The following CLCN1 variants were observed in gnomAD, a reference collection of about 807,000 sequenced individuals.
CLCN1 encodes the protein chloride voltage-gated channel 1.
In CLCN1, 100 loss-of-function variants were observed where a neutral mutation model predicts 114.5. That is an observed-to-expected ratio of 0.87 (90% CI 0.74 to 1.03). The LOEUF is 1.03. Ranked by LOEUF, CLCN1 falls within the 50% of genes least tolerant of loss-of-function variation. The probability of loss-of-function intolerance (pLI) is 0.00; values close to 1 mark genes in which losing one functional copy is unlikely to be tolerated. For synonymous variants in CLCN1, 485 were observed against 487.1 expected, an observed-to-expected ratio of 1.00 and a Z score of 0.06; for missense variants, 1,188 against 1,250.0, an observed-to-expected ratio of 0.95 and a Z score of 0.75.
chr7:143,326,614 T>G, intron 7 of CLCN1, among the ~76,000 whole-genome samples: 1 of 151,742 alleles, frequency 6.6e-6, no homozygotes, highest in East Asian at 1.9e-4. Flanking sequence ...ACAAAAGAGG[T>G]GGTGTTTGAC....
At chr7:143,342,297 T>A (rs556429911) in intron 15 of CLCN1, 75 bp from the exon 16 acceptor site, 18 of 1,577,974 alleles carry the variant, frequency 1.1e-5, no homozygotes, top group Non-Finnish European at 1.4e-5. Context: ...ACTGAAAGTA[T>A]GGCAAATCTT....
Position 143,316,284 on chromosome 7 carries a change from T to G in CLCN1, c.72T>G (p.Tyr24Ter). 1 of 1,613,686 alleles carries G rather than the reference T, an allele frequency of 6.2e-7. No homozygotes were observed. Among genetic ancestry groups the G allele is most frequent in the Non-Finnish European group, 8.5e-7 (1 of 1,179,790 alleles). Residue 24 changes from tyrosine to a stop codon, truncating the protein, a stop_gained, in exon 1 of 23, where the codon TAT becomes TAG. Transcript: ENST00000343257. LOFTEE classifies it high-confidence loss of function. The part of the protein sequence containing the change: ...SWWGSDPQYQ[Y>*]MPFEHCTSYG... ...GGGGTAGTGACCCCCAGTACCAGTA[T>G]ATGCCCTTTGAACACTGCACCAGCT...
chr7:143,323,731 T>G (rs571531164), intron 6 of CLCN1: 26 of 499,754 alleles, frequency 5.2e-5, no homozygotes, highest in Non-Finnish European at 1.0e-4. Flanking sequence ...CATCCCTTTG[T>G]AGCTCCCAAT....
rs563864415 is a variant in CLCN1 at position 143,324,559 on chromosome 7, A to G, written c.853+67A>G. Reference sequence around the variant, plus strand: ...CCTGGCTCCCAAAACAGTTTTAATCAGTATCCACAAGTGCTGGTATTACCA... The same window carrying G: ...CCTGGCTCCCAAAACAGTTTTAATCGGTATCCACAAGTGCTGGTATTACCA... On this transcript the variant is annotated intron_variant, in intron 7 of 22. Coordinates refer to ENST00000343257, the MANE Select transcript of CLCN1 (RefSeq NM_000083.3). The surrounding 1 kb of genome is among the most constrained non-coding windows in gnomAD (Gnocchi z 4.6). 217 of 1,138,746 alleles carry G rather than the reference A, an allele frequency of 1.9e-4. No homozygotes were observed. The South Asian group carries it at 2.6e-3, about 14-fold the overall frequency. 70.5% of individuals were successfully genotyped at this position (1,138,746 alleles called of 1,614,324 possible).
At chr7:143,341,797 C>A in intron 14 of CLCN1, 132 bp from the exon 15 acceptor site, 1 of 733,070 alleles carries the variant, frequency 1.4e-6, no homozygotes, top group South Asian at 1.5e-5. Flanking sequence ...CTACTCTTGA[C>A]AAGTCATTAT....
chr7:143,336,208 T>A (rs2116860008), intron 12 of CLCN1, among the ~76,000 whole-genome samples: 1 of 152,278 alleles, frequency 6.6e-6, no homozygotes, highest in South Asian at 2.1e-4. Flanking sequence ...AGTGAATTCT[T>A]CATTTTACTC....
intron 12 of CLCN1, among the ~76,000 whole-genome samples, chr7:143,334,315 A>G (rs183915372): frequency 2.1e-4 from 32 of 152,072 alleles, no homozygotes; most frequent in African/African-American, 7.2e-4. Context: ...TTTCCTCTGT[A>G]TATTAGAGTT....
chr7:143,323,146 T>C (rs763072764), intron 5 of CLCN1, among the ~76,000 whole-genome samples, 163 bp from the exon 6 acceptor site: 3 of 152,142 alleles, frequency 2.0e-5, no homozygotes, highest in Non-Finnish European at 2.9e-5. Context: ...TCTCCTCTTC[T>C]TCCTCTCTGG....
At chr7:143,329,680 G>A (rs1007817079) in intron 7 of CLCN1, among the ~76,000 whole-genome samples, 1 of 152,166 alleles carries the variant, frequency 6.6e-6, no homozygotes, top group African/African-American at 2.4e-5. Flanking sequence ...GGAGAGAAAG[G>A]GGACAAACCT....
In CLCN1 at chr7:143,339,485, C is replaced by T; in HGVS notation, c.1472-26C>T. ...GCAAGGAACTTGGATCTCGTAACAC[C>T]TTCCTTCCTTTTATCTTCCCTCTAG... On this transcript the variant is annotated intron_variant, in intron 13 of 22. Coordinates refer to ENST00000343257, the MANE Select transcript of CLCN1 (RefSeq NM_000083.3). The surrounding 1 kb of genome is among the most constrained non-coding windows in gnomAD (Gnocchi z 4.1). 6.4e-7 allele frequency: 1 copy of T among 1,565,208 alleles called. No individual in the cohort carries two copies. The highest frequency in any genetic ancestry group is 8.8e-7 in the Non-Finnish European group (1 of 1,135,258).
intron 7 of CLCN1, among the ~76,000 whole-genome samples, chr7:143,329,124 C>T (rs190506992): frequency 4.6e-5 from 7 of 152,104 alleles, no homozygotes; most frequent in African/African-American, 9.6e-5. Context: ...CCTGCCACAG[C>T]GCCTGACTAA....
chr7:143,320,825 C>T (rs757209413), intron 3 of CLCN1, 30 bp downstream of exon 3: 1 of 1,613,432 alleles, frequency 6.2e-7, no homozygotes, highest in African/African-American at 1.3e-5. Flanking sequence ...TTGCCCACAG[C>T]CGTTTCTGGA....
chr7:143,351,549 T>C, intron 22 of CLCN1, 45 bp from the exon 23 acceptor site: 1 of 1,606,544 alleles, frequency 6.2e-7, no homozygotes. Flanking sequence ...GTCTTTTTTC[T>C]TTTTCCAACT....
At position 143,342,363 on chromosome 7, in the gene CLCN1, C is replaced by A. The variant is rs41276057; in HGVS notation, c.1797-9C>A. The A allele has an allele frequency of 6.2e-7, 1 of 1,614,066 alleles. No individual in the cohort carries two copies. Among genetic ancestry groups the A allele is most frequent in the South Asian group, 1.1e-5 (1 of 91,048 alleles). On this transcript the variant is annotated splice_polypyrimidine_tract_variant and intron_variant, in intron 15 of 22. Transcript: ENST00000343257. ...TGGGGCTAACCCACCATGCTTTCTCCCTCCATAGCAAATATACCATCTTTG... is the reference window on the plus strand; with the variant it reads ...TGGGGCTAACCCACCATGCTTTCTCACTCCATAGCAAATATACCATCTTTG...
chr7:143,329,022 T>C (rs1802652257), intron 7 of CLCN1, among the ~76,000 whole-genome samples: 1 of 149,676 alleles, frequency 6.7e-6, no homozygotes, highest in Admixed American at 6.8e-5. Context: ...GGCTGGAGTA[T>C]AGAGGTGCGA....
chr7:143,325,850 AAAC>A (rs1802558910), intron 7 of CLCN1, among the ~76,000 whole-genome samples: 1 of 152,232 alleles, frequency 6.6e-6, no homozygotes, highest in East Asian at 1.9e-4. Flanking sequence ...AACAGTTCTG[AAAC>A]CACTGTGGTA....
At chr7:143,347,589 C>G (rs753514235) in intron 20 of CLCN1, among the ~76,000 whole-genome samples, 2 of 147,432 alleles carry the variant, frequency 1.4e-5, no homozygotes, top group African/African-American at 2.5e-5. Context: ...CCACTGCACT[C>G]CAGCCTGGGT....
intron 16 of CLCN1, 138 bp from the exon 17 acceptor site, chr7:143,345,383 T>C: frequency 8.7e-7 from 1 of 1,150,486 alleles, no homozygotes; most frequent in Non-Finnish European, 1.2e-6. Flanking sequence ...ATTCTTAAAA[T>C]GAGTTTCCAG....
intron 20 of CLCN1, among the ~76,000 whole-genome samples, chr7:143,349,859 A>G (rs1249635811): frequency 6.6e-6 from 1 of 152,212 alleles, no homozygotes; most frequent in Non-Finnish European, 1.5e-5. Flanking sequence ...GAGACCAGCT[A>G]ATACTATGGG....
Sources: gnomAD v4.1 joint callset for allele counts (sites outside exome capture counted in the v4.1 genomes callset) on GRCh38, gnomAD v4.1.1 for gene constraint, Gnocchi (gnomAD v3.1) non-coding constraint, MANE v1.5 for transcripts, NCBI Gene and HGNC (gene_info 2026-07-23, HGNC 2026-07-21) for gene names.